Variants in FAM107B observed in about 807,000 individuals in gnomAD.
FAM107B encodes the protein family with sequence similarity 107 member B.
FAM107B carries 21 observed loss-of-function variants against 31.5 expected under a neutral mutation model. That is an observed-to-expected ratio of 0.67 (90% CI 0.47 to 0.96). The LOEUF (loss-of-function observed/expected upper bound fraction) is 0.96. Among genes scored for constraint, FAM107B ranks in the 40% least tolerant of loss-of-function variants. The pLI is 0.00. For synonymous variants in FAM107B, 157 were observed against 141.5 expected (o/e 1.11, Z -0.78); for missense variants, 452 against 377.1 (o/e 1.20, Z -1.64).
Position 14,774,473 on chromosome 10 carries a change from G to A in FAM107B, c.191C>T (p.Pro64Leu). The A allele has an allele frequency of 6.2e-7, 1 of 1,614,188 alleles. No homozygotes were observed. Among genetic ancestry groups the A allele is most frequent in the Non-Finnish European group, 8.5e-7 (1 of 1,180,036 alleles). ...VQPVAKAGRQ[P>L]RHPSAEGAPE... ...AGCTCCTTCTGCGCTTGGGTGTCTT[G>A]GCTGTCTGCCTGCTTTGGCCACAGG... Residue 64 changes from proline (P) to leucine (L), a missense_variant, in exon 1 of 5, where the codon CCA (proline) becomes CTA (leucine). By Grantham distance (98) the Pro-to-Leu change is moderately conservative. Coordinates refer to ENST00000181796, the MANE Select transcript of FAM107B (RefSeq NM_031453.4).
At chr10:14,747,249 G>C (rs1465800774) in intron 1 of FAM107B, among the ~76,000 whole-genome samples, 1 of 152,100 alleles carries the variant, frequency 6.6e-6, no homozygotes, top group Non-Finnish European at 1.5e-5. Flanking sequence ...TGCTCCTTTA[G>C]CTCAGCAAAG....
chr10:14,597,851 G>C (rs1396269990), intron 2 of FAM107B, among the ~76,000 whole-genome samples: 1 of 152,174 alleles, frequency 6.6e-6, no homozygotes, highest in Non-Finnish European at 1.5e-5. Flanking sequence ...TCAGGAGGCT[G>C]AGGCAGGAGA....
intron 2 of FAM107B, among the ~76,000 whole-genome samples, chr10:14,660,453 G>T (rs1282283636): frequency 6.6e-6 from 1 of 152,172 alleles, no homozygotes; most frequent in Admixed American, 6.5e-5. Flanking sequence ...CCATCTCCCT[G>T]CCCACAAGGG....
intron 2 of FAM107B, among the ~76,000 whole-genome samples, chr10:14,657,292 G>T (rs1036158904): frequency 2.0e-5 from 3 of 152,184 alleles, no homozygotes; most frequent in African/African-American, 7.2e-5. Flanking sequence ...ACCCTGAGTG[G>T]TAACACCACT....
chr10:14,569,821 C>T (rs1377768954), intron 2 of FAM107B, among the ~76,000 whole-genome samples: 10 of 152,194 alleles, frequency 6.6e-5, no homozygotes, highest in African/African-American at 1.7e-4. Context: ...GGGACTCTCG[C>T]GCCTACTGAG....
chr10:14,572,490 T>C (rs1487271339), intron 2 of FAM107B: 6 of 779,172 alleles, frequency 7.7e-6, no homozygotes, highest in Non-Finnish European at 9.3e-6. Context: ...ATGGCCCTCC[T>C]GAGGCTGGGA....
chr10:14,543,904 C>A (rs1848470476), intron 2 of FAM107B, among the ~76,000 whole-genome samples: 1 of 152,162 alleles, frequency 6.6e-6, no homozygotes, highest in African/African-American at 2.4e-5. Flanking sequence ...CAGCTCTTGT[C>A]CCACCCTGAG....
Position 14,627,752 on chromosome 10 carries a change from G to C in FAM107B, c.469+39882C>G, listed in dbSNP as rs148936125. Reference sequence around the variant, plus strand: ...CACACATCTGCATCCTCGCCTGGGGGACAGAGTGAAACCCTGTCTCTATAA... The same window carrying C: ...CACACATCTGCATCCTCGCCTGGGGCACAGAGTGAAACCCTGTCTCTATAA... On this transcript the variant is annotated intron_variant, in intron 2 of 4. Coordinates refer to ENST00000181796, the MANE Select transcript of FAM107B (RefSeq NM_031453.4). Among the ~76,000 whole-genome samples, 1,246 of 152,204 alleles carry C rather than the reference G, an allele frequency of 8.2e-3. 8 individuals are homozygous for C. Among genetic ancestry groups the C allele is most frequent in the African/African-American group, 0.029 (1,191 of 41,510 alleles).
chr10:14,680,134 G>A (rs1854794880), intron 1 of FAM107B, among the ~76,000 whole-genome samples: 1 of 152,114 alleles, frequency 6.6e-6, no homozygotes, highest in Admixed American at 6.5e-5. Flanking sequence ...TATAATACAG[G>A]TTGCTTGGCT....
chr10:14,564,014 T>G (rs901485414), intron 2 of FAM107B, among the ~76,000 whole-genome samples: 5 of 152,344 alleles, frequency 3.3e-5, no homozygotes, highest in African/African-American at 1.2e-4. Context: ...GCCTTTTTAT[T>G]AGTATGTAAC....
chr10:14,603,199 GA>G lies in FAM107B; in HGVS notation c.469+64434del, dbSNP rs549155289. Among the ~76,000 whole-genome samples, 86 of 152,218 alleles carry G rather than the reference GA, an allele frequency of 5.6e-4. 1 individual carries two copies. The highest frequency in any genetic ancestry group is 2.0e-3 in the African/African-American group (85 of 41,530). Reference sequence around the variant, plus strand: ...TTAAACCGGAAACCAGCAGCGCTAAGAAATCTTCTCTGGACAGGTAGCCCAG... The same window carrying G: ...TTAAACCGGAAACCAGCAGCGCTAAGAATCTTCTCTGGACAGGTAGCCCAG... On this transcript the variant is annotated intron_variant, in intron 2 of 4. Coordinates refer to ENST00000181796, the MANE Select transcript of FAM107B (RefSeq NM_031453.4).
At chr10:14,538,544 T>C (rs573701140) in intron 2 of FAM107B, among the ~76,000 whole-genome samples, 2 of 152,312 alleles carry the variant, frequency 1.3e-5, no homozygotes, top group South Asian at 4.2e-4. Context: ...GTCAGGATAA[T>C]GCTTATTTCG....
At chr10:14,558,833 T>C (rs1390433279) in intron 2 of FAM107B, among the ~76,000 whole-genome samples, 1 of 152,160 alleles carries the variant, frequency 6.6e-6, no homozygotes, top group African/African-American at 2.4e-5. Context: ...ACTTGAATTC[T>C]TACTTGCTTC....
At chr10:14,560,959 C>T (rs1229585655) in intron 2 of FAM107B, among the ~76,000 whole-genome samples, 1 of 152,058 alleles carries the variant, frequency 6.6e-6, no homozygotes, top group Non-Finnish European at 1.5e-5. Context: ...AACTGTGTGG[C>T]CATCCCGTCA....
chr10:14,619,102 G>C (rs1371020208), intron 2 of FAM107B, among the ~76,000 whole-genome samples: 2 of 152,170 alleles, frequency 1.3e-5, no homozygotes, highest in Admixed American at 1.3e-4. Context: ...GAGCTTCAGA[G>C]GGATTTAGAG....
At position 14,763,374 on chromosome 10, in the gene FAM107B, C is replaced by T. The variant is rs116663479; in HGVS notation, c.411+10879G>A. Among the ~76,000 whole-genome samples the T allele has an allele frequency of 6.8e-3, 1,034 of 152,306 alleles. 12 individuals carry two copies. Among genetic ancestry groups the T allele is most frequent in the African/African-American group, 0.022 (923 of 41,552 alleles). On this transcript the variant is annotated intron_variant, in intron 1 of 4. Coordinates refer to ENST00000181796, the MANE Select transcript of FAM107B (RefSeq NM_031453.4). ...TGCCAGCAGATGTTTGTACTTGTGG[C>T]AGAATTCACGTGAGACATTCTCTAT...
intron 2 of FAM107B, among the ~76,000 whole-genome samples, chr10:14,619,060 G>A (rs1333021590): frequency 6.6e-6 from 1 of 152,138 alleles, no homozygotes; most frequent in Non-Finnish European, 1.5e-5. Flanking sequence ...TAGAAGACAT[G>A]AGGAAGGAAA....
At chr10:14,712,021 G>A (rs971008879) in intron 1 of FAM107B, among the ~76,000 whole-genome samples, 10 of 152,218 alleles carry the variant, frequency 6.6e-5, no homozygotes, top group Non-Finnish European at 1.0e-4. Context: ...CCCTGTAGTA[G>A]TCTAAGGCTT....
chr10:14,746,776 G>A (rs1344787480), intron 1 of FAM107B, among the ~76,000 whole-genome samples: 1 of 152,058 alleles, frequency 6.6e-6, no homozygotes, highest in Non-Finnish European at 1.5e-5. Context: ...TGTGTCTTAG[G>A]GTTGATCTTC....
Sources: gnomAD v4.1 joint callset for allele counts (sites outside exome capture counted in the v4.1 genomes callset) on GRCh38, gnomAD v4.1.1 for gene constraint, MANE v1.5 for transcripts, NCBI Gene and HGNC (gene_info 2026-07-23, HGNC 2026-07-21) for gene names.